UNC5C: variants seen among roughly 807,000 people sequenced by gnomAD.
The protein encoded by UNC5C is unc-5 netrin receptor C.
In UNC5C, 47 loss-of-function variants were observed where a neutral mutation model predicts 99.8. The observed-to-expected ratio is 0.47, with a 90% CI of 0.37 to 0.60. The LOEUF (loss-of-function observed/expected upper bound fraction) is 0.60, where lower values mean the gene tolerates loss of function less well. Ranked by LOEUF, UNC5C falls within the 20% of genes least tolerant of loss-of-function variation. The pLI, the probability that UNC5C is intolerant of heterozygous loss-of-function variation, is 0.00. For synonymous variants in UNC5C, 487 were observed against 452.2 expected, an observed-to-expected ratio of 1.08 and a Z score of -0.98; for missense variants, 1,062 against 1,165.9, an observed-to-expected ratio of 0.91 and a Z score of 1.30.
At chr4:95,524,579 G>C (rs1722451090) in intron 1 of UNC5C, among the ~76,000 whole-genome samples, 1 of 152,152 alleles carries the variant, frequency 6.6e-6, no homozygotes, top group Admixed American at 6.5e-5. Context: ...TATTCCTGCA[G>C]TGAGAACCTG....
intron 1 of UNC5C, among the ~76,000 whole-genome samples, chr4:95,455,010 A>G (rs910673054): frequency 1.3e-5 from 2 of 152,136 alleles, no homozygotes; most frequent in Non-Finnish European, 2.9e-5. Context: ...CTTGAAAATA[A>G]TAAGAAATTA....
intron 4 of UNC5C, among the ~76,000 whole-genome samples, chr4:95,267,568 G>A (rs990950651): frequency 6.6e-6 from 1 of 152,086 alleles, no homozygotes; most frequent in African/African-American, 2.4e-5. Flanking sequence ...AGCCATAGTC[G>A]GCAGAAGGTA....
intron 2 of UNC5C, among the ~76,000 whole-genome samples, chr4:95,330,113 T>C (rs1743054286): frequency 6.6e-6 from 1 of 152,152 alleles, no homozygotes; most frequent in Non-Finnish European, 1.5e-5. Context: ...GGTAATGTAA[T>C]AGGTACAAAT....
chr4:95,179,855 C>G (rs554808830), intron 14 of UNC5C, among the ~76,000 whole-genome samples: 1 of 151,386 alleles, frequency 6.6e-6, no homozygotes, highest in South Asian at 2.1e-4. Flanking sequence ...TGTGATAAAC[C>G]AACTTGGGGA....
At chr4:95,206,535 T>A in intron 11 of UNC5C, 93 bp downstream of exon 11, 1 of 1,559,140 alleles carries the variant, frequency 6.4e-7, no homozygotes, top group Admixed American at 1.8e-5. Context: ...TCCACTCATG[T>A]TTTGCTTTAT....
intron 10 of UNC5C, among the ~76,000 whole-genome samples, chr4:95,213,217 A>G (rs1436730428): frequency 6.6e-6 from 1 of 152,244 alleles, no homozygotes; most frequent in Non-Finnish European, 1.5e-5. Context: ...GAAAAGGGAA[A>G]ATCAACTTTC....
chr4:95,267,795 A>G (rs1740501628), intron 4 of UNC5C, among the ~76,000 whole-genome samples: 1 of 149,312 alleles, frequency 6.7e-6, no homozygotes, highest in African/African-American at 2.4e-5. Context: ...AAATAACAAT[A>G]CAAAAAAAAA....
chr4:95,484,419 G>T (rs1721266767), intron 1 of UNC5C, among the ~76,000 whole-genome samples: 1 of 151,560 alleles, frequency 6.6e-6, no homozygotes, highest in Non-Finnish European at 1.5e-5. Context: ...TTTCTGCCTG[G>T]GCTCACGAGC....
In UNC5C at chr4:95,471,725, G is replaced by T. The variant is rs563018266; in HGVS notation, c.124+77009C>A. 3.7e-4 allele frequency among the ~76,000 whole-genome samples: 57 copies of T among 152,206 alleles called. No individual in the cohort carries two copies. The South Asian group carries it at 0.012, about 31-fold the overall frequency. The stretch of plus-strand genomic sequence containing the variant: ...ACATACATAACTTTAACAGTTTTGA[G>T]GGGATGCCCCTGTTAATTTCTTTAT... On this transcript the variant is annotated intron_variant, in intron 1 of 15. Coordinates refer to ENST00000453304, the MANE Select transcript of UNC5C (RefSeq NM_003728.4).
chr4:95,301,734 T>A lies in UNC5C; in HGVS notation c.362A>T (p.Glu121Val). 1 of 1,612,784 alleles carries A rather than the reference T, an allele frequency of 6.2e-7. No individual in the cohort carries two copies. The highest frequency in any genetic ancestry group is 1.1e-5 in the South Asian group (1 of 91,012). ...CTGGCGCGAAATCTCAATGCTCACTTCCCGGACAATGAGACCTGACAAGAG... is the reference window on the plus strand; with the variant it reads ...CTGGCGCGAAATCTCAATGCTCACTACCCGGACAATGAGACCTGACAAGAG... ...VDETSGLIVREVSIEISRQQV... is the reference protein window; with the variant it reads ...VDETSGLIVRVVSIEISRQQV... The change falls in exon 3 of 16, where the codon GAA (glutamate) becomes GTA (valine). Residue 121 changes from glutamate (E) to valine (V), a missense_variant. By Grantham distance (121) the Glu-to-Val change is moderately radical. Around this residue, in one of 3 missense-constraint regions of UNC5C, gnomAD observed 249 missense variants for 295.1 expected, o/e 0.84. Coordinates refer to ENST00000453304, the MANE Select transcript of UNC5C (RefSeq NM_003728.4).
intron 1 of UNC5C, among the ~76,000 whole-genome samples, chr4:95,436,648 G>T (rs764458385): frequency 6.6e-6 from 1 of 151,850 alleles, no homozygotes; most frequent in Non-Finnish European, 1.5e-5. Context: ...AAATGAACAC[G>T]TTCAAGCTGC....
chr4:95,190,315 G>T (rs992225063), intron 12 of UNC5C, among the ~76,000 whole-genome samples: 2 of 110,650 alleles, frequency 1.8e-5, no homozygotes, highest in African/African-American at 7.1e-5. Flanking sequence ...ACAGGAAGGG[G>T]AACATCACAC....
intron 1 of UNC5C, among the ~76,000 whole-genome samples, chr4:95,548,077 A>G (rs1275967171): frequency 1.3e-5 from 2 of 152,178 alleles, no homozygotes; most frequent in African/African-American, 4.8e-5. Flanking sequence ...GCAGGCATGA[A>G]GCGGGGTATG....
chr4:95,260,213 C>G (rs200879245), intron 4 of UNC5C, among the ~76,000 whole-genome samples: 25 of 152,216 alleles, frequency 1.6e-4, no homozygotes, highest in East Asian at 1.3e-3. Context: ...ATTTTAAAAA[C>G]GAATAATTGC....
intron 6 of UNC5C, among the ~76,000 whole-genome samples, chr4:95,243,335 A>G (rs377763067): frequency 2.6e-4 from 40 of 152,280 alleles, no homozygotes; most frequent in African/African-American, 8.7e-4. Context: ...CTTGTCAGCA[A>G]CTTCAAAGAT....
intron 12 of UNC5C, among the ~76,000 whole-genome samples, chr4:95,192,043 TTCCTCTGCTCACCCTC>T (rs1455293734): frequency 1.1e-5 from 1 of 94,812 alleles, no homozygotes; most frequent in Non-Finnish European, 2.1e-5. Context: ...CTCTGCTCAC[TTCCTCTGCTCACCCTC>T]TTCCCCTGCT....
chr4:95,417,588 C>T (rs76717729), intron 1 of UNC5C, among the ~76,000 whole-genome samples: 2,119 of 152,242 alleles, frequency 0.014, 20 homozygotes, highest in Non-Finnish European at 0.018. Context: ...ATTAGCAATA[C>T]ATAAAATCTC....
intron 1 of UNC5C, among the ~76,000 whole-genome samples, chr4:95,442,229 G>T (rs1336897545): frequency 1.3e-5 from 2 of 151,984 alleles, no homozygotes; most frequent in Non-Finnish European, 2.9e-5. Context: ...TTTGAAACAG[G>T]GTTTGGTCTG....
At chr4:95,398,607 G>A (rs1352140741) in intron 1 of UNC5C, among the ~76,000 whole-genome samples, 2 of 152,076 alleles carry the variant, frequency 1.3e-5, no homozygotes, top group African/African-American at 2.4e-5. Flanking sequence ...TAATTACTAG[G>A]TTAGACAAAG....
Sources: gnomAD v4.1 joint callset for allele counts (sites outside exome capture counted in the v4.1 genomes callset) on GRCh38, gnomAD v4.1.1 for gene constraint, gnomAD v4.1.1 regional missense constraint, MANE v1.5 for transcripts, NCBI Gene and HGNC (gene_info 2026-07-23, HGNC 2026-07-21) for gene names.